Variants in MYO3A observed in about 807,000 individuals in gnomAD.
MYO3A encodes the protein myosin IIIA, also known as myosin-IIIa.
A neutral mutation model predicts 192.7 loss-of-function variants in MYO3A; 180 were observed. That is an observed-to-expected ratio of 0.93 (90% CI 0.83 to 1.06). The LOEUF is 1.06. MYO3A is among the 50% of genes least tolerant of loss of function. The probability of loss-of-function intolerance (pLI) is 0.00; values close to 1 mark genes in which losing one functional copy is unlikely to be tolerated. For synonymous variants in MYO3A, 628 were observed against 645.3 expected (o/e 0.97, Z 0.41); for missense variants, 1,896 against 1,905.0 (o/e 1.00, Z 0.09).
intron 17 of MYO3A, among the ~76,000 whole-genome samples, chr10:26,111,193 T>C (rs1286209054): frequency 6.6e-6 from 1 of 152,034 alleles, no homozygotes; most frequent in East Asian, 1.9e-4. Context: ...GAGAAATAAG[T>C]GTGTTCATAA....
intron 32 of MYO3A, among the ~76,000 whole-genome samples, chr10:26,193,770 C>G (rs1843267995): frequency 1.3e-5 from 2 of 152,168 alleles, no homozygotes; most frequent in Non-Finnish European, 2.9e-5. Context: ...GATAGCTAAT[C>G]CTGGAAATAT....
In MYO3A at chr10:26,157,502, A is replaced by G. The variant is rs1411328506; in HGVS notation, c.2986A>G (p.Asn996Asp). 1 of 1,613,958 alleles carries G rather than the reference A, an allele frequency of 6.2e-7. No individual in the cohort carries two copies. The stretch of plus-strand genomic sequence containing the variant: ...ATTCTCCCATCGGATACTTTTTGCT[A>G]ACTTTATAAAGCGGTATGTGGATTT... ...LGFSHRILFA[N>D]FIKRYYLLCY... Residue 996 changes from asparagine (N) to aspartate (D), a missense_variant, in exon 26 of 35, where the codon AAC (asparagine) becomes GAC (aspartate). Physicochemically the swap from Asn to Asp is conservative, Grantham distance 23. Transcript: ENST00000642920.
chr10:26,206,621 G>A (rs1006218712), intron 34 of MYO3A, among the ~76,000 whole-genome samples: 1 of 149,478 alleles, frequency 6.7e-6, no homozygotes, highest in African/African-American at 2.5e-5. Flanking sequence ...TCTAATTTTT[G>A]TAATTTTAGT....
intron 31 of MYO3A, among the ~76,000 whole-genome samples, chr10:26,186,612 C>T (rs193208501): frequency 4.5e-4 from 68 of 152,274 alleles, no homozygotes; most frequent in African/African-American, 1.6e-3. Flanking sequence ...AAGTAAATGG[C>T]ATCTTGTTTT....
At position 25,940,949 on chromosome 10, in the gene MYO3A, C is replaced by T. The variant is rs1268632015; in HGVS notation, c.-18+5119C>T. Among the ~76,000 whole-genome samples, 6 of 152,102 alleles carry T rather than the reference C, an allele frequency of 3.9e-5. No individual in the cohort carries two copies. In the South Asian group the frequency reaches 1.0e-3, roughly 26 times the overall value. On this transcript the variant is annotated intron_variant, in intron 2 of 34. Coordinates refer to ENST00000642920, the MANE Select transcript of MYO3A (RefSeq NM_017433.5). ...AATTTTCCTGAATTGGAGTGTTCTA[C>T]CTTTCAACTATTTTGGAAACTTCTC... is the stretch of plus-strand genomic sequence containing the variant.
chr10:26,136,530 T>C (rs561904519), intron 20 of MYO3A, among the ~76,000 whole-genome samples: 73 of 152,280 alleles, frequency 4.8e-4, no homozygotes, highest in African/African-American at 1.6e-3. Context: ...TTTTAAAACT[T>C]TGGGCTTGGA....
At chr10:26,151,628 C>G (rs1378818115) in intron 23 of MYO3A, among the ~76,000 whole-genome samples, 2 of 152,104 alleles carry the variant, frequency 1.3e-5, no homozygotes, top group African/African-American at 4.8e-5. Context: ...GTCTGACAAT[C>G]TCTGCCTTTC....
At chr10:26,002,861 C>T (rs1169831159) in intron 6 of MYO3A, among the ~76,000 whole-genome samples, 4 of 152,230 alleles carry the variant, frequency 2.6e-5, no homozygotes, top group South Asian at 2.1e-4. Flanking sequence ...TTTTCCCCAA[C>T]GCCCTGTACT....
At chr10:26,173,603 A>T in intron 29 of MYO3A, 60 bp from the exon 30 acceptor site, 1 of 1,481,486 alleles carries the variant, frequency 6.7e-7, no homozygotes. Context: ...AACTATTGCC[A>T]ATAGAAGTAA....
chr10:26,142,648 G>T (rs1014454941), intron 20 of MYO3A, among the ~76,000 whole-genome samples: 2 of 152,144 alleles, frequency 1.3e-5, no homozygotes, highest in Non-Finnish European at 2.9e-5. Flanking sequence ...AATTCCAAAG[G>T]ATTTTGTGGC....
intron 34 of MYO3A, among the ~76,000 whole-genome samples, chr10:26,210,674 T>A (rs773671121): frequency 6.6e-6 from 1 of 152,350 alleles, no homozygotes; most frequent in Non-Finnish European, 1.5e-5. Context: ...GTCCTTGACA[T>A]GGTCTCAAAT....
chr10:26,009,452 C>G (rs1241027435), intron 6 of MYO3A, among the ~76,000 whole-genome samples: 1 of 152,094 alleles, frequency 6.6e-6, no homozygotes, highest in African/African-American at 2.4e-5. Context: ...AGAGCAGGCC[C>G]AAGGGGACTG....
chr10:26,146,282 CAAGA>C (rs1840460888), intron 22 of MYO3A, among the ~76,000 whole-genome samples: 1 of 151,946 alleles, frequency 6.6e-6, no homozygotes, highest in South Asian at 2.1e-4. Flanking sequence ...ATATTCAGAT[CAAGA>C]AAGAATGTAT....
Position 26,174,150 on chromosome 10 carries a change from CA to C in MYO3A, c.3890del (p.Asn1297MetfsTer13). On this transcript the variant is annotated frameshift_variant, in exon 30 of 35. Transcript: ENST00000642920. LOFTEE classifies it high-confidence loss of function. ...TACACTTAGCCAAAGGTCAATTTAT[CA>C]AAATGCAAACAGCATGGAAAAAGAA... ...EPTLSQRSIY[Q>X]NANSMEKEKK... 4 of 1,614,140 alleles carry C rather than the reference CA, an allele frequency of 2.5e-6. No homozygotes were observed. Among genetic ancestry groups the C allele is most frequent in the Non-Finnish European group, 3.4e-6 (4 of 1,180,030 alleles).
intron 15 of MYO3A, among the ~76,000 whole-genome samples, chr10:26,092,526 G>A (rs1048059627): frequency 6.6e-6 from 1 of 152,004 alleles, no homozygotes; most frequent in African/African-American, 2.4e-5. Context: ...TGGCCACTTC[G>A]TTGAAGATTC....
At chr10:26,190,928 C>G (rs1233000012) in intron 31 of MYO3A, among the ~76,000 whole-genome samples, 1 of 151,966 alleles carries the variant, frequency 6.6e-6, no homozygotes. Flanking sequence ...TTCCCAGAAC[C>G]TTTTTTTGTT....
rs1168407008 is a variant in MYO3A at position 25,935,787 on chromosome 10, G to A, written c.-61G>A. 3 of 152,130 alleles carry A rather than the reference G, an allele frequency of 2.0e-5. No homozygotes were observed. Among genetic ancestry groups the A allele is most frequent in the Non-Finnish European group, 2.9e-5 (2 of 68,022 alleles). The allele number at this position is 152,130 out of a possible 1,614,324, so 9.4% of individuals were successfully genotyped here. On this transcript the variant is annotated 5_prime_UTR_variant, in exon 2 of 35. Coordinates refer to ENST00000642920, the MANE Select transcript of MYO3A (RefSeq NM_017433.5). ...GCCTGGACACAGTATTCAAAGTTTT[G>A]GCGTCTGAGCATTGTTATGCGTTAT... is the stretch of plus-strand genomic sequence containing the variant.
At chr10:26,033,999 T>C (rs1842918500) in intron 10 of MYO3A, among the ~76,000 whole-genome samples, 1 of 151,520 alleles carries the variant, frequency 6.6e-6, no homozygotes, top group South Asian at 2.1e-4. Context: ...GCACTGAAAG[T>C]CAGACTGAGA....
chr10:26,057,788 A>G (rs11014940), intron 10 of MYO3A, among the ~76,000 whole-genome samples: 71,935 of 152,078 alleles, frequency 0.47, 17,867 homozygotes, highest in Middle Eastern at 0.59. Flanking sequence ...AGTGTGATTG[A>G]AGAGAGTTTT....
Sources: gnomAD v4.1 joint callset for allele counts (sites outside exome capture counted in the v4.1 genomes callset) on GRCh38, gnomAD v4.1.1 for gene constraint, MANE v1.5 for transcripts, NCBI Gene and HGNC (gene_info 2026-07-23, HGNC 2026-07-21) for gene names.